Variants in VPS50 observed in about 807,000 individuals in gnomAD.
VPS50 encodes VPS50 subunit of EARP/GARPII complex, also known as syndetin.
Under a neutral mutation model 139.7 loss-of-function variants are expected in VPS50, and 70 were observed. The observed-to-expected ratio is 0.50, with a 90% CI of 0.41 to 0.61. VPS50 has a LOEUF of 0.61. Among genes scored for constraint, VPS50 ranks in the 20% least tolerant of loss-of-function variants. The probability of loss-of-function intolerance (pLI) is 0.00; values close to 1 mark genes in which losing one functional copy is unlikely to be tolerated. For synonymous variants in VPS50, 365 were observed against 376.7 expected, an observed-to-expected ratio of 0.97 and a Z score of 0.36; for missense variants, 921 against 1,133.7, an observed-to-expected ratio of 0.81 and a Z score of 2.69.
chr7:93,232,420 GT>G lies in VPS50; in HGVS notation c.-47del. 6.4e-7 allele frequency: 1 copy of G among 1,557,374 alleles called. No individual in the cohort carries two copies. The highest frequency in any genetic ancestry group is 8.9e-7 in the Non-Finnish European group (1 of 1,129,608). ...AGGGCCAGCTGTGTAGTGGCTCGGT[GT>G]GATTTGTTAGCTCTTTGAGGCAGGG... On this transcript the variant is annotated 5_prime_UTR_variant, in exon 1 of 28. Transcript: ENST00000305866.
intron 12 of VPS50, among the ~76,000 whole-genome samples, chr7:93,285,091 A>G (rs181179196): frequency 1.3e-5 from 2 of 152,314 alleles, no homozygotes; most frequent in African/African-American, 4.8e-5. Context: ...GATTCTCCCC[A>G]GCAGCTTCTG....
chr7:93,345,796 C>A (rs1271628308), intron 23 of VPS50, among the ~76,000 whole-genome samples: 4 of 152,182 alleles, frequency 2.6e-5, no homozygotes, highest in Admixed American at 6.5e-5. Flanking sequence ...GCAAAAAACT[C>A]TCAATAAATT....
At chr7:93,246,530 G>T (rs1219950475) in intron 2 of VPS50, among the ~76,000 whole-genome samples, 2 of 151,804 alleles carry the variant, frequency 1.3e-5, no homozygotes. Flanking sequence ...TAGTACTGAA[G>T]ATTATGAGAT....
chr7:93,282,543 G>T (rs1261101323), intron 12 of VPS50, among the ~76,000 whole-genome samples: 1 of 152,152 alleles, frequency 6.6e-6, no homozygotes, highest in Non-Finnish European at 1.5e-5. Flanking sequence ...CTCCTGATCA[G>T]CAGAGTCTGC....
chr7:93,325,772 G>GCAAT (rs1479758827), intron 21 of VPS50, among the ~76,000 whole-genome samples: 1 of 151,130 alleles, frequency 6.6e-6, no homozygotes, highest in East Asian at 1.9e-4. Context: ...AGTTAGAATG[G>GCAAT]CAATCATTAA....
intron 22 of VPS50, among the ~76,000 whole-genome samples, chr7:93,336,920 A>T (rs1248613939): frequency 6.6e-6 from 1 of 152,208 alleles, no homozygotes; most frequent in East Asian, 1.9e-4. Context: ...AGGAAAGGCT[A>T]AAAAATGTGA....
chr7:93,337,139 C>T (rs1301167224), intron 22 of VPS50, among the ~76,000 whole-genome samples: 3 of 152,176 alleles, frequency 2.0e-5, no homozygotes, highest in African/African-American at 7.2e-5. Context: ...TAAATATAAA[C>T]ACAGAACTTT....
chr7:93,286,058 T>G (rs1386171386), intron 12 of VPS50, among the ~76,000 whole-genome samples: 3 of 152,192 alleles, frequency 2.0e-5, no homozygotes, highest in Non-Finnish European at 4.4e-5. Flanking sequence ...ATATGCCTAT[T>G]TTATCTTTTC....
In VPS50 at chr7:93,246,068, G is replaced by A. The variant is rs765775651; in HGVS notation, c.102+6134G>A. The A allele has an allele frequency of 4.9e-6, 7 of 1,434,966 alleles. 1 individual carries two copies. In the South Asian group the frequency reaches 9.0e-5, roughly 18 times the overall value. 88.9% of individuals were successfully genotyped at this position (1,434,966 alleles called of 1,614,324 possible). A position where few individuals can be genotyped will look rare whatever the true frequency, so the allele number is the denominator to read the frequency against. On this transcript the variant is annotated intron_variant, in intron 2 of 27. Transcript: ENST00000305866. ...TACTTCTAGCTCTGTTTAGATTTTG[G>A]TCACTAAACGCTTCTTTTTTTTTTT...
intron 1 of VPS50, among the ~76,000 whole-genome samples, 169 bp downstream of exon 1, chr7:93,232,669 G>A (rs963080911): frequency 2.6e-5 from 4 of 152,096 alleles, no homozygotes; most frequent in African/African-American, 4.8e-5. Flanking sequence ...TGGGCCGCCT[G>A]GGTTGGAGCA....
intron 18 of VPS50, among the ~76,000 whole-genome samples, chr7:93,307,825 T>C (rs914054555): frequency 6.6e-5 from 10 of 151,902 alleles, no homozygotes; most frequent in African/African-American, 1.2e-4. Flanking sequence ...GTGCAACTTA[T>C]GTCCTTGAGA....
At chr7:93,350,968 C>A (rs756511176) in intron 25 of VPS50, among the ~76,000 whole-genome samples, 3 of 152,126 alleles carry the variant, frequency 2.0e-5, no homozygotes, top group Non-Finnish European at 4.4e-5. Flanking sequence ...CCTGCTTAGA[C>A]CAAGTCAACA....
chr7:93,278,196 T>TG (rs1796215395), intron 12 of VPS50, among the ~76,000 whole-genome samples: 1 of 152,152 alleles, frequency 6.6e-6, no homozygotes, highest in Admixed American at 6.5e-5. Context: ...CCTCTGTGCA[T>TG]TTATATAACA....
intron 21 of VPS50, 27 bp downstream of exon 21, chr7:93,323,759 ATCTT>A: frequency 7.8e-7 from 1 of 1,288,476 alleles, no homozygotes; most frequent in Non-Finnish European, 1.0e-6. Flanking sequence ...AGGGAAAAAA[ATCTT>A]TCTTTTAAAA....
chr7:93,245,982 G>A, intron 2 of VPS50: 2 of 656,864 alleles, frequency 3.0e-6, no homozygotes, highest in South Asian at 1.7e-5. Flanking sequence ...ATCTATTTCT[G>A]TTCAGTGATT....
intron 14 of VPS50, 45 bp downstream of exon 14, chr7:93,294,681 T>C: frequency 1.4e-6 from 2 of 1,403,970 alleles, no homozygotes; most frequent in Non-Finnish European, 2.0e-6. Context: ...GCAATAGAAA[T>C]GTCATGTCAT....
At chr7:93,342,416 T>G (rs537226587) in intron 23 of VPS50, among the ~76,000 whole-genome samples, 6 of 152,202 alleles carry the variant, frequency 3.9e-5, no homozygotes, top group Non-Finnish European at 8.8e-5. Context: ...CACCCGCCAT[T>G]GCCCAGGCTT....
chr7:93,246,875 C>T (rs922382376), intron 2 of VPS50, among the ~76,000 whole-genome samples: 37 of 151,898 alleles, frequency 2.4e-4, no homozygotes, highest in African/African-American at 8.2e-4. Context: ...GGGAATGTAT[C>T]ATAATACCTT....
At chr7:93,310,656 C>T (rs1249561935) in intron 19 of VPS50, among the ~76,000 whole-genome samples, 1 of 151,962 alleles carries the variant, frequency 6.6e-6, no homozygotes, top group African/African-American at 2.4e-5. Flanking sequence ...ACGTGGTGAA[C>T]TCCTTGTACT....
Sources: allele counts gnomAD v4.1 joint callset (sites outside exome capture counted in the v4.1 genomes callset), GRCh38; gene constraint gnomAD v4.1.1; transcripts MANE v1.5; gene names NCBI Gene and HGNC (gene_info 2026-07-23, HGNC 2026-07-21).